CELSR1: variants seen among roughly 807,000 people sequenced by gnomAD.
The protein encoded by CELSR1 is cadherin EGF LAG seven-pass G-type receptor 1, also known as adhesion G protein-coupled receptor C1.
Under a neutral mutation model 249.1 loss-of-function variants are expected in CELSR1, and 110 were observed. The ratio of observed to expected loss-of-function variants is 0.44; its 90% CI spans 0.38 to 0.52. CELSR1 has a LOEUF of 0.52. CELSR1 is among the 20% of genes least tolerant of loss of function. The pLI is 0.00. For missense variants in CELSR1, 4,109 were observed against 4,296.4 expected, an observed-to-expected ratio of 0.96 and a Z score of 1.22; for synonymous variants, 2,113 against 1,900.0, an observed-to-expected ratio of 1.11 and a Z score of -2.92.
In CELSR1 at chr22:46,464,003, G is replaced by C; in HGVS notation, c.3887C>G (p.Thr1296Arg). Residue 1296 changes from threonine (T) to arginine (R), a missense_variant, in exon 2 of 35, where the codon ACG becomes AGG. Thr to Arg is a moderately conservative substitution (Grantham distance 71). Coordinates refer to ENST00000674500, the MANE Select transcript of CELSR1 (RefSeq NM_001378328.1). This position sits in a 1 kb window ranked among gnomAD's most constrained non-coding sequence, Gnocchi z 8.5. Reference sequence around the variant, plus strand: ...GTCGTCGAAGGGCAGCACGCGCTGCGTGGAGATGGTGGTCAGCAGCGTCCG... The same window carrying C: ...GTCGTCGAAGGGCAGCACGCGCTGCCTGGAGATGGTGGTCAGCAGCGTCCG... Reference protein sequence around the residue: ...LNRTLLTTISTQRVLPFDDNI... With the variant: ...LNRTLLTTISRQRVLPFDDNI... The C allele has an allele frequency of 1.2e-6, 2 of 1,613,892 alleles. No homozygotes were observed. The highest frequency in any genetic ancestry group is 8.5e-7 in the Non-Finnish European group (1 of 1,180,046).
intron 2 of CELSR1, 24 bp from the exon 3 acceptor site, chr22:46,439,435 A>G (rs746518769): frequency 3.6e-5 from 58 of 1,590,100 alleles, no homozygotes; most frequent in Non-Finnish European, 4.1e-5. Flanking sequence ...GGAAGATGCC[A>G]GAGAGGAGGT....
Position 46,411,576 on chromosome 22 carries a change from A to G in CELSR1, c.4769+26T>C. On this transcript the variant is annotated intron_variant, in intron 6 of 34. Transcript: ENST00000674500. This position sits in a 1 kb window ranked among gnomAD's most constrained non-coding sequence, Gnocchi z 4.2. ...AGCATGTTTGGGGGTACGGACCCCC[A>G]GGGCCTCCCCTCCTGGGATGCTCAC... 1 of 1,613,320 alleles carries G rather than the reference A, an allele frequency of 6.2e-7. No individual in the cohort carries two copies. The highest frequency in any genetic ancestry group is 8.5e-7 in the Non-Finnish European group (1 of 1,179,632).
At chr22:46,499,157 G>A (rs1410934098) in intron 1 of CELSR1, among the ~76,000 whole-genome samples, 1 of 150,874 alleles carries the variant, frequency 6.6e-6, no homozygotes, top group Non-Finnish European at 1.5e-5. Context: ...TCCAGCCTGG[G>A]CGATAGAGTA....
intron 1 of CELSR1, among the ~76,000 whole-genome samples, chr22:46,509,320 G>A (rs1432870410): frequency 6.6e-6 from 1 of 152,234 alleles, no homozygotes; most frequent in African/African-American, 2.4e-5. Context: ...TACAGATGAG[G>A]AGATGGGGTG....
Position 46,433,035 on chromosome 22 carries a change from CT to C in CELSR1, c.4611+357del, listed in dbSNP as rs992403136. 1.7e-4 allele frequency among the ~76,000 whole-genome samples: 25 copies of C among 147,830 alleles called. No homozygotes were observed. The highest frequency in any genetic ancestry group is 1.8e-4 in the Non-Finnish European group (12 of 66,576). The stretch of plus-strand genomic sequence containing the variant: ...TCTACCAGGGCACCTTTTTTCCTTC[CT>C]TTTTTTTTTAGATGGAATTTCGCTC... On this transcript the variant is annotated intron_variant, in intron 5 of 34. Coordinates refer to ENST00000674500, the MANE Select transcript of CELSR1 (RefSeq NM_001378328.1). The surrounding 1 kb of genome is among the most constrained non-coding windows in gnomAD (Gnocchi z 5.7).
intron 2 of CELSR1, among the ~76,000 whole-genome samples, chr22:46,462,388 C>T (rs2080040259): frequency 6.6e-6 from 1 of 152,132 alleles, no homozygotes; most frequent in Non-Finnish European, 1.5e-5. Flanking sequence ...TTTCCCTCCA[C>T]TTCTGATGCA....
rs775503253 is a variant in CELSR1, at chr22:46,433,449, G to T, written c.4555C>A (p.Pro1519Thr). The change falls in exon 5 of 35, where the codon CCC becomes ACC. Residue 1519 changes from proline to threonine, a missense_variant. Transcript: ENST00000674500. The surrounding 1 kb of genome is among the most constrained non-coding windows in gnomAD (Gnocchi z 5.7). Reference protein sequence around the residue: ...ETTTTVAPKVPSGVSDGRWHS... With the variant: ...ETTTTVAPKVTSGVSDGRWHS... The stretch of plus-strand genomic sequence containing the variant: ...CACCGCCCGTCACTCACACCACTGG[G>T]AACCTTCGGTGCCACGGTCGTTGTT... 6.2e-6 allele frequency: 10 copies of T among 1,613,930 alleles called. No homozygotes were observed. The highest frequency in any genetic ancestry group is 1.3e-5 in the African/African-American group (1 of 74,938).
chr22:46,505,398 C>G (rs2080505843), intron 1 of CELSR1, among the ~76,000 whole-genome samples: 1 of 152,056 alleles, frequency 6.6e-6, no homozygotes, highest in Admixed American at 6.6e-5. Flanking sequence ...CTTTGGAAGG[C>G]TGAGGTGGGA....
chr22:46,474,497 CCT>C, intron 1 of CELSR1, among the ~76,000 whole-genome samples: 1 of 152,144 alleles, frequency 6.6e-6, no homozygotes, highest in East Asian at 1.9e-4. Flanking sequence ...GATGCCTGGT[CCT>C]GACCCCTAGA....
At chr22:46,496,306 G>A (rs1052122926) in intron 1 of CELSR1, among the ~76,000 whole-genome samples, 2 of 152,020 alleles carry the variant, frequency 1.3e-5, no homozygotes, top group Admixed American at 6.6e-5. Flanking sequence ...AGTGGCTCAC[G>A]CCTGTAATCC....
At position 46,422,829 on chromosome 22, in the gene CELSR1, T is replaced by C. The variant is rs73890414; in HGVS notation, c.4611+10564A>G. ...ATAACTGCTATATTGTTTTTTTAAA[T>C]ACAAAGAACTCAAGTGCATGTAAGA... On this transcript the variant is annotated intron_variant, in intron 5 of 34. Transcript: ENST00000674500. 4.7e-3 allele frequency among the ~76,000 whole-genome samples: 707 copies of C among 151,076 alleles called. 3 individuals carry two copies. Among genetic ancestry groups the C allele is most frequent in the African/African-American group, 0.016 (673 of 41,200 alleles).
chr22:46,466,517 G>A (rs552173355), intron 1 of CELSR1, among the ~76,000 whole-genome samples: 59 of 152,286 alleles, frequency 3.9e-4, no homozygotes, highest in Non-Finnish European at 7.4e-4. Flanking sequence ...GTGACCCACC[G>A]GGCTGCTGAG....
chr22:46,484,168 T>A lies in CELSR1; in HGVS notation c.3545-19823A>T. 6.6e-6 allele frequency among the ~76,000 whole-genome samples: 1 copy of A among 152,156 alleles called. No individual in the cohort carries two copies. The highest frequency in any genetic ancestry group is 1.5e-5 in the Non-Finnish European group (1 of 68,018). On this transcript the variant is annotated intron_variant, in intron 1 of 34. Coordinates refer to ENST00000674500, the MANE Select transcript of CELSR1 (RefSeq NM_001378328.1). This position sits in a 1 kb window ranked among gnomAD's most constrained non-coding sequence, Gnocchi z 4.5. ...TACAGGGCAAGAGAAGGGGAGCTGC[T>A]GGGGAGAGCCGTTACGACGGTGGGG...
chr22:46,522,507 C>T (rs2147795653), intron 1 of CELSR1, among the ~76,000 whole-genome samples: 1 of 152,208 alleles, frequency 6.6e-6, no homozygotes, highest in Admixed American at 6.5e-5. Context: ...TATTCAAGTC[C>T]TTTGCTCATT....
intron 1 of CELSR1, among the ~76,000 whole-genome samples, chr22:46,510,482 C>G (rs1304278813): frequency 1.3e-5 from 2 of 152,164 alleles, no homozygotes; most frequent in Admixed American, 1.3e-4. Context: ...TGTAAGGGCC[C>G]CATGAGGTGC....
chr22:46,524,571 T>TGCG (rs1491525316), intron 1 of CELSR1, among the ~76,000 whole-genome samples: 1 of 46,936 alleles, frequency 2.1e-5, no homozygotes, highest in African/African-American at 5.6e-5. Context: ...TGTGTGTGTG[T>TGCG]CTGTCTGTCT....
Position 46,501,518 on chromosome 22 carries a change from G to T in CELSR1, c.3544+32109C>A, listed in dbSNP as rs77869191. Among the ~76,000 whole-genome samples, 929 of 152,142 alleles carry T rather than the reference G, an allele frequency of 6.1e-3. 2 individuals carry two copies. The highest frequency in any genetic ancestry group is 9.2e-3 in the Non-Finnish European group (628 of 67,976). ...ACCGCGCCCTGCCCCACTAAGAAAAGTTTTAAACAGACATTTAAATAAGCT... is the reference window on the plus strand; with the variant it reads ...ACCGCGCCCTGCCCCACTAAGAAAATTTTTAAACAGACATTTAAATAAGCT... On this transcript the variant is annotated intron_variant, in intron 1 of 34. Coordinates refer to ENST00000674500, the MANE Select transcript of CELSR1 (RefSeq NM_001378328.1).
At position 46,380,172 on chromosome 22, in the gene CELSR1, G is replaced by A. The variant is rs1373737647; in HGVS notation, c.7256+616C>T. Among the ~76,000 whole-genome samples, 2 of 152,206 alleles carry A rather than the reference G, an allele frequency of 1.3e-5. No individual in the cohort carries two copies. Among genetic ancestry groups the A allele is most frequent in the South Asian group, 2.1e-4 (1 of 4,832 alleles). On this transcript the variant is annotated intron_variant, in intron 22 of 34. Transcript: ENST00000674500. The surrounding 1 kb of genome is among the most constrained non-coding windows in gnomAD (Gnocchi z 5.1). Reference sequence around the variant, plus strand: ...ACTCATTTTGCATTTTTCTAACGACGAAACGCCTTTCCCTCGCTTGCATGG... The same window carrying A: ...ACTCATTTTGCATTTTTCTAACGACAAAACGCCTTTCCCTCGCTTGCATGG...
chr22:46,438,870 GTC>G (rs2147462627), intron 3 of CELSR1, among the ~76,000 whole-genome samples: 1 of 152,302 alleles, frequency 6.6e-6, no homozygotes, highest in South Asian at 2.1e-4. Flanking sequence ...CGGTTCTCTT[GTC>G]TCAGCCTCCT....
Sources: gnomAD v4.1 joint callset for allele counts (sites outside exome capture counted in the v4.1 genomes callset) on GRCh38, gnomAD v4.1.1 for gene constraint, Gnocchi (gnomAD v3.1) non-coding constraint, MANE v1.5 for transcripts, NCBI Gene and HGNC (gene_info 2026-07-23, HGNC 2026-07-21) for gene names.